The following NDUFB1 variants were observed in gnomAD, a reference collection of about 807,000 sequenced individuals.
NDUFB1 encodes the protein NADH dehydrogenase [ubiquinone] 1 beta subcomplex subunit 1.
Under a neutral mutation model 6.7 loss-of-function variants are expected in NDUFB1, and 6 were observed. The observed-to-expected ratio is 0.89, with a 90% CI of 0.49 to 1.76. The LOEUF (loss-of-function observed/expected upper bound fraction) is 1.76. Ranked by LOEUF, NDUFB1 falls within the 40% of genes most tolerant of loss-of-function variation. The probability of loss-of-function intolerance (pLI) is 0.01; values close to 1 mark genes in which losing one functional copy is unlikely to be tolerated. For missense variants in NDUFB1, 56 were observed against 71.0 expected (o/e 0.79, Z 0.76); for synonymous variants, 17 against 22.9 (o/e 0.74, Z 0.74).
Position 92,121,696 on chromosome 14 carries a change from C to G in NDUFB1, c.-60G>C, listed in dbSNP as rs538579127. 9.9e-6 allele frequency: 16 copies of G among 1,613,944 alleles called. No individual in the cohort carries two copies. The African/African-American group carries it at 1.9e-4, about 19-fold the overall frequency. On this transcript the variant is annotated 5_prime_UTR_variant, in exon 1 of 3. Coordinates refer to ENST00000605997, the MANE Select transcript of NDUFB1 (RefSeq NM_004545.4). Reference sequence around the variant, plus strand: ...AGACCAAGGGCAACAGGGAACTCAACCCGCGCCAGTGGAAGCTGCGACCTC... The same window carrying G: ...AGACCAAGGGCAACAGGGAACTCAAGCCGCGCCAGTGGAAGCTGCGACCTC...
intron 1 of NDUFB1, 31 bp from the exon 2 acceptor site, chr14:92,117,673 A>T (rs1163036829): frequency 6.6e-7 from 1 of 1,524,472 alleles, no homozygotes; most frequent in African/African-American, 1.7e-5. Context: ...CAGAAATACA[A>T]CTGCTTTGTT....
intron 2 of NDUFB1, 99 bp from the exon 3 acceptor site, chr14:92,116,328 T>TTCC (rs2068716770): frequency 3.4e-6 from 3 of 887,250 alleles, no homozygotes; most frequent in African/African-American, 2.1e-5. Context: ...AATATTTCAT[T>TTCC]TTCTTTTTTT....
At chr14:92,119,050 G>A in intron 1 of NDUFB1, 1 of 283,220 alleles carries the variant, frequency 3.5e-6, no homozygotes. Flanking sequence ...GGTGGCTCAT[G>A]CCTGTAACCA....
chr14:92,117,348 G>T (rs1052366453), intron 2 of NDUFB1, 150 bp downstream of exon 2: 3 of 787,348 alleles, frequency 3.8e-6, no homozygotes, highest in Admixed American at 4.1e-5. Context: ...TTTATCCAAG[G>T]ATTCAATAAC....
At chr14:92,119,625 G>A (rs1046538458) in intron 1 of NDUFB1, among the ~76,000 whole-genome samples, 3 of 152,262 alleles carry the variant, frequency 2.0e-5, no homozygotes, top group East Asian at 1.9e-4. Flanking sequence ...CTTGGGACCC[G>A]AAGTGTTTTC....
chr14:92,116,331 CTTT>C lies in NDUFB1; in HGVS notation c.141-105_141-103del, dbSNP rs35571568. On this transcript the variant is annotated intron_variant, in intron 2 of 2. Coordinates refer to ENST00000605997, the MANE Select transcript of NDUFB1 (RefSeq NM_004545.4). ...AAGAATGATTGCAATATTTCATTTT[CTTT>C]TTTTTTTTTTTTTTTTTGAGACGAA... is the stretch of plus-strand genomic sequence containing the variant. The C allele has an allele frequency of 5.7e-3, 2,818 of 492,352 alleles. 3 individuals are homozygous for C. The highest frequency in any genetic ancestry group is 0.01 in the Middle Eastern group (16 of 1,564). The allele number at this position is 492,352 out of a possible 1,614,324, so 30.5% of individuals were successfully genotyped here.
Position 92,121,673 on chromosome 14 carries a change from A to G in NDUFB1, c.-37T>C. On this transcript the variant is annotated 5_prime_UTR_variant, in exon 1 of 3. Coordinates refer to ENST00000605997, the MANE Select transcript of NDUFB1 (RefSeq NM_004545.4). ...CCTCAGCGCCTACAGCGACCCCGAG[A>G]CCAAGGGCAACAGGGAACTCAACCC... The G allele has an allele frequency of 6.2e-7, 1 of 1,613,544 alleles. No individual in the cohort carries two copies. Among genetic ancestry groups the G allele is most frequent in the Non-Finnish European group, 8.5e-7 (1 of 1,179,892 alleles).
rs2068742815 is a variant in NDUFB1 at position 92,120,102 on chromosome 14, A to G, written c.-6+1540T>C. On this transcript the variant is annotated intron_variant, in intron 1 of 2. Coordinates refer to ENST00000605997, the MANE Select transcript of NDUFB1 (RefSeq NM_004545.4). ...AAATTGCACAATTCAATAAAAACAT[A>G]GTTGGATTGCCAATTTTCTGTAAAA... Among the ~76,000 whole-genome samples the G allele has an allele frequency of 2.6e-5, 4 of 152,148 alleles. No individual in the cohort carries two copies. The South Asian group carries it at 8.3e-4, about 31-fold the overall frequency.
chr14:92,117,395 C>T (rs2068723713), intron 2 of NDUFB1, 103 bp downstream of exon 2: 1 of 1,173,900 alleles, frequency 8.5e-7, no homozygotes, highest in South Asian at 1.2e-5. Flanking sequence ...GAATCTAAGT[C>T]CTCAAGGGGG....
At chr14:92,116,288 G>C (rs1026181952) in intron 2 of NDUFB1, 59 bp from the exon 3 acceptor site, 1 of 1,195,228 alleles carries the variant, frequency 8.4e-7, no homozygotes, top group Admixed American at 1.8e-5. Context: ...TGTGATACGA[G>C]ATAAAAGGGG....
Position 92,116,178 on chromosome 14 carries a change from TA to T in NDUFB1, c.*14del, listed in dbSNP as rs2068715594. 1 of 1,608,902 alleles carries T rather than the reference TA, an allele frequency of 6.2e-7. No individual in the cohort carries two copies. Among genetic ancestry groups the T allele is most frequent in the Non-Finnish European group, 8.5e-7 (1 of 1,175,590 alleles). On this transcript the variant is annotated 3_prime_UTR_variant, in exon 3 of 3. Transcript: ENST00000605997. Reference sequence around the variant, plus strand: ...AGAACTTTAAAATGTGAACATTCGATAATCTAGCCAGTCTTTACTTCCAGGT... The same window carrying T: ...AGAACTTTAAAATGTGAACATTCGATATCTAGCCAGTCTTTACTTCCAGGT...
intron 1 of NDUFB1, chr14:92,121,363 T>C (rs1438342013): frequency 9.2e-6 from 5 of 545,004 alleles, no homozygotes; most frequent in Non-Finnish European, 1.6e-5. Flanking sequence ...CGGTCTTCTC[T>C]CCAGTCCGGT....
chr14:92,120,060 G>C (rs188051953), intron 1 of NDUFB1, among the ~76,000 whole-genome samples: 1 of 149,350 alleles, frequency 6.7e-6, no homozygotes, highest in East Asian at 2.1e-4. Flanking sequence ...ACCTGTAATA[G>C]ACATCATGTG....
At chr14:92,116,494 G>A (rs2068718832) in intron 2 of NDUFB1, among the ~76,000 whole-genome samples, 2 of 151,298 alleles carry the variant, frequency 1.3e-5, no homozygotes, top group East Asian at 3.9e-4. Context: ...CCACCACACC[G>A]AGCTAATTTT....
chr14:92,119,653 A>G (rs778017524), intron 1 of NDUFB1, among the ~76,000 whole-genome samples: 6 of 152,208 alleles, frequency 3.9e-5, no homozygotes, highest in Non-Finnish European at 8.8e-5. Flanking sequence ...TGATTTTGAA[A>G]TATTTGCATG....
At chr14:92,121,314 A>C in intron 1 of NDUFB1, 1 of 454,454 alleles carries the variant, frequency 2.2e-6, no homozygotes, top group Admixed American at 3.5e-5. Flanking sequence ...GAGGGGAGGC[A>C]GCGTCTTCCC....
intron 2 of NDUFB1, 67 bp from the exon 3 acceptor site, chr14:92,116,296 G>T (rs950616922): frequency 6.2e-6 from 8 of 1,289,680 alleles, no homozygotes; most frequent in Non-Finnish European, 8.9e-6. Context: ...GAGATAAAAG[G>T]GGAAGTCAGA....
At chr14:92,116,367 T>C (rs1291387547) in intron 2 of NDUFB1, 138 bp from the exon 3 acceptor site, 1 of 761,934 alleles carries the variant, frequency 1.3e-6, no homozygotes, top group Non-Finnish European at 2.1e-6. Flanking sequence ...GAAGTCTGGC[T>C]TTGTAGCCCA....
chr14:92,116,407 C>T (rs937583436), intron 2 of NDUFB1, among the ~76,000 whole-genome samples, 178 bp from the exon 3 acceptor site: 1 of 142,072 alleles, frequency 7.0e-6, no homozygotes, highest in Non-Finnish European at 1.5e-5. Context: ...GATCTTGGCT[C>T]ACTGCAAACT....
Sources: gnomAD v4.1 joint callset for allele counts (sites outside exome capture counted in the v4.1 genomes callset) on GRCh38, gnomAD v4.1.1 for gene constraint, MANE v1.5 for transcripts, NCBI Gene and HGNC (gene_info 2026-07-23, HGNC 2026-07-21) for gene names.